Variants in SLC13A3 observed in about 807,000 individuals in gnomAD.
The protein encoded by SLC13A3 is solute carrier family 13 member 3, also known as Na(+)/dicarboxylate cotransporter 3.
In SLC13A3, 40 loss-of-function variants were observed where a neutral mutation model predicts 59.0. The ratio of observed to expected loss-of-function variants is 0.68; its 90% CI spans 0.53 to 0.88. The LOEUF (loss-of-function observed/expected upper bound fraction) is 0.88. Among genes scored for constraint, SLC13A3 ranks in the 40% least tolerant of loss-of-function variants. The pLI is 0.00. For synonymous variants in SLC13A3, 317 were observed against 330.3 expected, an observed-to-expected ratio of 0.96 and a Z score of 0.44; for missense variants, 699 against 783.2, an observed-to-expected ratio of 0.89 and a Z score of 1.28.
chr20:46,609,721 T>C (rs1335518093), intron 3 of SLC13A3, among the ~76,000 whole-genome samples: 3 of 152,230 alleles, frequency 2.0e-5, no homozygotes, highest in Non-Finnish European at 4.4e-5. Flanking sequence ...TTCTCTCTTT[T>C]AAAAGGAGCA....
upstream of SLC13A3, among the ~76,000 whole-genome samples, chr20:46,671,943 G>T (rs1168655749): frequency 6.6e-6 from 1 of 152,198 alleles, no homozygotes; most frequent in East Asian, 1.9e-4. Flanking sequence ...ACTCCCACTA[G>T]CTAGAGGGGC....
At chr20:46,577,222 CGTATGCAACCTACAGGT>C (rs1278542879) in intron 9 of SLC13A3, among the ~76,000 whole-genome samples, 9 of 35,674 alleles carry the variant, frequency 2.5e-4, no homozygotes, top group Non-Finnish European at 5.1e-4. Flanking sequence ...AGCCCACAGG[CGTATGCAACCTACAGGT>C]GTATGCAGCC....
chr20:46,603,460 G>A lies in SLC13A3; in HGVS notation c.542-3423C>T, dbSNP rs1318267215. Among the ~76,000 whole-genome samples the A allele has an allele frequency of 3.3e-5, 5 of 151,878 alleles. No individual in the cohort carries two copies. In the East Asian group the frequency reaches 5.8e-4, roughly 18 times the overall value. ...CACGATCACAGCTCACAACAGCCTC[G>A]ACATACCAGGCTCAAGTGATCCTCC... is the stretch of plus-strand genomic sequence containing the variant. On this transcript the variant is annotated intron_variant, in intron 3 of 12. Coordinates refer to ENST00000279027, the MANE Select transcript of SLC13A3 (RefSeq NM_022829.6).
chr20:46,630,945 G>A (rs76288361), intron 1 of SLC13A3, among the ~76,000 whole-genome samples: 5,212 of 152,270 alleles, frequency 0.034, 107 homozygotes, highest in Non-Finnish European at 0.047. Context: ...ATTAATATAA[G>A]GTAACCACTG....
intron 1 of SLC13A3, among the ~76,000 whole-genome samples, chr20:46,647,785 C>T (rs2062909640): frequency 6.6e-6 from 1 of 152,198 alleles, no homozygotes; most frequent in African/African-American, 2.4e-5. Context: ...ACTCCTAGAA[C>T]AGCAAAGCAG....
chr20:46,609,903 G>A (rs934073622), intron 3 of SLC13A3, among the ~76,000 whole-genome samples: 1 of 152,062 alleles, frequency 6.6e-6, no homozygotes, highest in African/African-American at 2.4e-5. Flanking sequence ...AAAACTGCTG[G>A]GTTACAGAGT....
chr20:46,590,889 G>A (rs1207577757), intron 6 of SLC13A3, among the ~76,000 whole-genome samples: 1 of 151,984 alleles, frequency 6.6e-6, no homozygotes, highest in Non-Finnish European at 1.5e-5. Context: ...AAACAGCTGG[G>A]CTTGGGTGGC....
At chr20:46,664,642 A>G (rs983227003) in intron 1 of SLC13A3, among the ~76,000 whole-genome samples, 6 of 152,236 alleles carry the variant, frequency 3.9e-5, no homozygotes, top group Admixed American at 3.3e-4. Flanking sequence ...TAATCAAAAG[A>G]TGAAAATATG....
chr20:46,647,473 G>A (rs78088445), intron 1 of SLC13A3, among the ~76,000 whole-genome samples: 1,850 of 152,140 alleles, frequency 0.012, 36 homozygotes, highest in African/African-American at 0.042. Context: ...CCTCTAACTC[G>A]CAGGATGGCC....
chr20:46,597,251 G>C (rs1178788927), intron 4 of SLC13A3, among the ~76,000 whole-genome samples: 1 of 143,052 alleles, frequency 7.0e-6, no homozygotes, highest in Non-Finnish European at 1.5e-5. Context: ...ATGAAATTAA[G>C]AATTACTAAG....
intron 9 of SLC13A3, among the ~76,000 whole-genome samples, chr20:46,581,687 G>T (rs1385572175): frequency 2.0e-5 from 3 of 152,184 alleles, no homozygotes; most frequent in South Asian, 2.1e-4. Flanking sequence ...ATGCCACAGG[G>T]AATAGAAAAC....
At chr20:46,675,674 G>A (rs900819275) in intron 1 of SLC13A3, among the ~76,000 whole-genome samples, 1 of 150,434 alleles carries the variant, frequency 6.6e-6, no homozygotes, top group Non-Finnish European at 1.5e-5. Context: ...TTGAACTCCT[G>A]GGCCCAGGAG....
At chr20:46,668,528 T>G (rs1215331557) in intron 1 of SLC13A3, among the ~76,000 whole-genome samples, 2 of 152,092 alleles carry the variant, frequency 1.3e-5, no homozygotes, top group African/African-American at 4.8e-5. Flanking sequence ...GTTAGCTGAG[T>G]TCATGAGTTT....
intron 1 of SLC13A3, among the ~76,000 whole-genome samples, chr20:46,623,044 A>G (rs933105010): frequency 5.3e-5 from 8 of 152,232 alleles, no homozygotes; most frequent in Admixed American, 1.3e-4. Flanking sequence ...GGAATAAATA[A>G]TACCATCTTG....
rs570878731 is a variant in SLC13A3, at chr20:46,589,352, C to T, written c.921-97G>A. 27 of 994,872 alleles carry T rather than the reference C, an allele frequency of 2.7e-5. No homozygotes were observed. In the South Asian group the frequency reaches 3.8e-4, roughly 14 times the overall value. 61.6% of individuals were successfully genotyped at this position (994,872 alleles called of 1,614,324 possible). On this transcript the variant is annotated intron_variant, in intron 6 of 12. Transcript: ENST00000279027. ...ACCACCTGACCAAGCCACATCCTCT[C>T]TGTCCGGGAGGCTGCAACTGCCTGA...
intron 3 of SLC13A3, chr20:46,608,944 C>T: frequency 1.9e-6 from 3 of 1,550,968 alleles, no homozygotes; most frequent in Non-Finnish European, 2.6e-6. Context: ...AAGTTGCACA[C>T]ATCATTTCCA....
At chr20:46,606,612 G>A (rs113294388) in intron 3 of SLC13A3, among the ~76,000 whole-genome samples, 4,359 of 152,330 alleles carry the variant, frequency 0.029, 217 homozygotes, top group African/African-American at 0.096. Context: ...GCCGAGGCTA[G>A]AGGATCACTT....
chr20:46,580,298 A>G (rs2062122724), intron 9 of SLC13A3, among the ~76,000 whole-genome samples: 1 of 152,018 alleles, frequency 6.6e-6, no homozygotes, highest in Non-Finnish European at 1.5e-5. Context: ...CTCCCTTTGT[A>G]TAATAAGGAA....
chr20:46,619,457 A>C (rs1477567159), intron 1 of SLC13A3, among the ~76,000 whole-genome samples: 1 of 152,178 alleles, frequency 6.6e-6, no homozygotes, highest in African/African-American at 2.4e-5. Context: ...CAACTTTTGC[A>C]CTTGTCTTCA....
Sources: allele counts gnomAD v4.1 joint callset (sites outside exome capture counted in the v4.1 genomes callset), GRCh38; gene constraint gnomAD v4.1.1; transcripts MANE v1.5; gene names NCBI Gene and HGNC (gene_info 2026-07-23, HGNC 2026-07-21).